SLC35D4: variants seen among roughly 807,000 people sequenced by gnomAD.
The protein encoded by SLC35D4 is solute carrier family 35 member D4.
chr18:23,368,743 C>T, the SLC35D4 span: 2 of 1,452,000 alleles, frequency 1.4e-6, no homozygotes, highest in Non-Finnish European at 1.9e-6. Context: ...TATTGCTGGT[C>T]AATGTCACTA....
the SLC35D4 span, among the ~76,000 whole-genome samples, chr18:23,298,325 A>G: frequency 6.6e-6 from 1 of 152,162 alleles, no homozygotes; most frequent in Non-Finnish European, 1.5e-5. Flanking sequence ...AGCGTCCCAC[A>G]CATCCTGACC....
the SLC35D4 span, among the ~76,000 whole-genome samples, chr18:23,344,426 C>T: frequency 2.6e-5 from 4 of 152,154 alleles, no homozygotes; most frequent in African/African-American, 9.7e-5. Context: ...TTTCAGCAAT[C>T]AACAAACTGC....
chr18:23,386,325 G>C, the SLC35D4 span, among the ~76,000 whole-genome samples: 1 of 152,150 alleles, frequency 6.6e-6, no homozygotes, highest in African/African-American at 2.4e-5. Context: ...CCTTATAAGA[G>C]GAGGCAGGTT....
At chr18:23,246,687 G>C in the SLC35D4 span, among the ~76,000 whole-genome samples, 1 of 151,252 alleles carries the variant, frequency 6.6e-6, no homozygotes, top group East Asian at 2.0e-4. Context: ...CACCGCACCC[G>C]GCCAGTTTTT....
the SLC35D4 span, among the ~76,000 whole-genome samples, chr18:23,268,762 T>C: frequency 1.1e-4 from 16 of 152,208 alleles, no homozygotes; most frequent in South Asian, 4.2e-4. Flanking sequence ...CTGGAGGGTA[T>C]ATTTCCTTTG....
At chr18:23,354,379 G>A in the SLC35D4 span, among the ~76,000 whole-genome samples, 1 of 149,022 alleles carries the variant, frequency 6.7e-6, no homozygotes, top group African/African-American at 2.5e-5. Context: ...AAATTAGCCT[G>A]ATGTGGTGGC....
At chr18:23,376,618 G>C in the SLC35D4 span, among the ~76,000 whole-genome samples, 16 of 152,214 alleles carry the variant, frequency 1.1e-4, no homozygotes, top group Non-Finnish European at 1.5e-4. Flanking sequence ...GTTTTGTGGT[G>C]GGAGGAGAGG....
At chr18:23,255,109 C>T in the SLC35D4 span, among the ~76,000 whole-genome samples, 2 of 151,994 alleles carry the variant, frequency 1.3e-5, no homozygotes, top group Admixed American at 6.6e-5. Flanking sequence ...GTGATAAGGG[C>T]AGGTGGATAG....
chr18:23,380,102 AAAC>A, the SLC35D4 span, among the ~76,000 whole-genome samples: 32 of 151,836 alleles, frequency 2.1e-4, no homozygotes, highest in African/African-American at 7.2e-4. Flanking sequence ...CTCAAAAACA[AAAC>A]AAAAAAAAGA....
chr18:23,292,539 A>G, the SLC35D4 span, among the ~76,000 whole-genome samples: 23 of 152,318 alleles, frequency 1.5e-4, no homozygotes, highest in East Asian at 2.5e-3. Context: ...AAGAGTCACA[A>G]ATCACCTCAG....
chr18:23,314,463 G>T, the SLC35D4 span, among the ~76,000 whole-genome samples: 3 of 152,156 alleles, frequency 2.0e-5, no homozygotes, highest in Non-Finnish European at 4.4e-5. Flanking sequence ...CTTACCCTGG[G>T]GGGGGCTACT....
At chr18:23,313,238 A>G in the SLC35D4 span, among the ~76,000 whole-genome samples, 1 of 150,326 alleles carries the variant, frequency 6.7e-6, no homozygotes, top group East Asian at 2.0e-4. Flanking sequence ...GCTCACTTGG[A>G]AAGTCAGCAC....
At chr18:23,332,325 C>T in the SLC35D4 span, among the ~76,000 whole-genome samples, 1 of 152,220 alleles carries the variant, frequency 6.6e-6, no homozygotes, top group African/African-American at 2.4e-5. Flanking sequence ...CTACCACCAC[C>T]ATCTAATTCC....
the SLC35D4 span, among the ~76,000 whole-genome samples, chr18:23,244,964 G>T: frequency 6.6e-6 from 1 of 152,224 alleles, no homozygotes. Context: ...ATCCGCCCTA[G>T]AGCGGAAGTA....
the SLC35D4 span, among the ~76,000 whole-genome samples, chr18:23,299,590 A>G: frequency 6.6e-6 from 1 of 152,204 alleles, no homozygotes; most frequent in South Asian, 2.1e-4. Context: ...CTAACTCTAC[A>G]GCAGTAATTT....
chr18:23,264,424 G>A, the SLC35D4 span, among the ~76,000 whole-genome samples: 6 of 141,526 alleles, frequency 4.2e-5, no homozygotes, highest in Admixed American at 2.3e-4. Flanking sequence ...GTGCAGTGGT[G>A]CGATCTCGGC....
chr18:23,262,762 G>A, the SLC35D4 span, among the ~76,000 whole-genome samples: 3 of 152,232 alleles, frequency 2.0e-5, no homozygotes, highest in African/African-American at 7.2e-5. Context: ...GGAATTAGCC[G>A]AGTACACAGA....
chr18:23,297,996 G>T, the SLC35D4 span: 1 of 1,612,886 alleles, frequency 6.2e-7, no homozygotes, highest in South Asian at 1.1e-5. Context: ...TCTTTCTCTT[G>T]ACCGTCTTGT....
chr18:23,364,733 T>C, the SLC35D4 span, among the ~76,000 whole-genome samples: 1 of 151,762 alleles, frequency 6.6e-6, no homozygotes, highest in South Asian at 2.1e-4. Flanking sequence ...TGAAACCCCA[T>C]CTCTACTAAA....
Sources: allele counts gnomAD v4.1 joint callset (sites outside exome capture counted in the v4.1 genomes callset), GRCh38; gene constraint gnomAD v4.1.1; transcripts MANE v1.5; gene names NCBI Gene and HGNC (gene_info 2026-07-23, HGNC 2026-07-21).